Variants in PTPRG observed in about 807,000 individuals in gnomAD.
PTPRG encodes protein tyrosine phosphatase receptor type G, also known as receptor-type tyrosine-protein phosphatase gamma.
PTPRG carries 102 observed loss-of-function variants against 165.3 expected under a neutral mutation model. The observed-to-expected ratio is 0.62, with a 90% confidence interval of 0.53 to 0.73. The LOEUF (loss-of-function observed/expected upper bound fraction) is 0.73, where lower values mean the gene tolerates loss of function less well. Ranked by LOEUF, PTPRG falls within the 30% of genes least tolerant of loss-of-function variation. PTPRG has a pLI of 0.00. For synonymous variants in PTPRG, 675 were observed against 669.5 expected (o/e 1.01, Z -0.13); for missense variants, 1,866 against 1,861.4 (o/e 1.00, Z -0.05).
chr3:62,234,514 A>G (rs1228138920), intron 14 of PTPRG, among the ~76,000 whole-genome samples: 1 of 151,208 alleles, frequency 6.6e-6, no homozygotes, highest in Non-Finnish European at 1.5e-5. Flanking sequence ...TGGCCTTTTT[A>G]CTAACCTCAT....
At chr3:62,007,667 A>G (rs2041328171) in intron 4 of PTPRG, among the ~76,000 whole-genome samples, 1 of 152,226 alleles carries the variant, frequency 6.6e-6, no homozygotes, top group Non-Finnish European at 1.5e-5. Context: ...CAGAAATTAA[A>G]CATTGGTCAT....
At chr3:62,275,756 T>G (rs1393023738) in intron 23 of PTPRG, 117 bp from the exon 24 acceptor site, 1 of 718,332 alleles carries the variant, frequency 1.4e-6, no homozygotes, top group Admixed American at 2.8e-5. Context: ...AAAGGTTCTT[T>G]GTGGCACAGA....
chr3:61,687,658 A>T (rs552870317), intron 1 of PTPRG, among the ~76,000 whole-genome samples: 1 of 152,388 alleles, frequency 6.6e-6, no homozygotes, highest in South Asian at 2.1e-4. Context: ...TTATATTTTA[A>T]GTAAGGCTTT....
intron 1 of PTPRG, among the ~76,000 whole-genome samples, chr3:61,724,210 C>T (rs1383789089): frequency 1.2e-4 from 6 of 51,606 alleles, no homozygotes; most frequent in Admixed American, 1.1e-3. Flanking sequence ...AGTGAGACTC[C>T]CATCTCCAAA....
intron 2 of PTPRG, among the ~76,000 whole-genome samples, chr3:61,777,365 A>G (rs1004784539): frequency 2.6e-5 from 4 of 152,234 alleles, no homozygotes; most frequent in Admixed American, 2.6e-4. Flanking sequence ...AGTGGCTACC[A>G]TATTGTACAG....
intron 1 of PTPRG, chr3:61,659,508 T>C: frequency 2.1e-6 from 2 of 949,804 alleles, no homozygotes; most frequent in Non-Finnish European, 2.5e-6. Flanking sequence ...GGGGTCTGGA[T>C]CCTGATTTTG....
chr3:62,105,873 G>A (rs1459046395), intron 5 of PTPRG, among the ~76,000 whole-genome samples: 1 of 152,018 alleles, frequency 6.6e-6, no homozygotes, highest in Non-Finnish European at 1.5e-5. Context: ...CACTTAATAA[G>A]CGTTTAATGA....
intron 2 of PTPRG, among the ~76,000 whole-genome samples, chr3:61,923,488 T>A (rs922131053): frequency 4.6e-5 from 7 of 151,908 alleles, no homozygotes; most frequent in African/African-American, 7.3e-5. Context: ...ACATGTGCCA[T>A]GCTGGTGTGC....
chr3:61,688,579 G>A (rs1430336799), intron 1 of PTPRG, among the ~76,000 whole-genome samples: 1 of 152,204 alleles, frequency 6.6e-6, no homozygotes, highest in Non-Finnish European at 1.5e-5. Context: ...ATTGGAGCAG[G>A]CAAATCGGGC....
At position 62,069,684 on chromosome 3, in the gene PTPRG, T is replaced by TCTCTCTCTCTCTCACACACA. The variant is rs542306888; in HGVS notation, c.520-8478_520-8477insTCTCTCTCTCTCACACACAC. On this transcript the variant is annotated intron_variant, in intron 4 of 29. Coordinates refer to ENST00000474889, the MANE Select transcript of PTPRG (RefSeq NM_002841.4). The stretch of plus-strand genomic sequence containing the variant: ...CTCTCTCTCTCTCTCTCTCTCTCTC[T>TCTCTCTCTCTCTCACACACA]CACACACAGACACACGCACACACAC... Among the ~76,000 whole-genome samples the TCTCTCTCTCTCTCACACACA allele has an allele frequency of 2.0e-4, 29 of 145,052 alleles. No homozygotes were observed. In the East Asian group the frequency reaches 4.9e-3, roughly 24 times the overall value.
At position 62,218,938 on chromosome 3, in the gene PTPRG, C is replaced by T; in HGVS notation, c.2243C>T (p.Thr748Ile). 6.2e-7 allele frequency: 1 copy of T among 1,614,128 alleles called. No homozygotes were observed. Among genetic ancestry groups the T allele is most frequent in the Non-Finnish European group, 8.5e-7 (1 of 1,180,010 alleles). Residue 748 changes from threonine (T) to isoleucine (I), a missense_variant, in exon 13 of 30, where the codon ACC becomes ATC. Physicochemically the swap from Thr to Ile is moderately conservative, Grantham distance 89 (BLOSUM62 -1). Around this residue, in one of 3 missense-constraint regions of PTPRG, gnomAD observed 1,452 missense variants for 1,463.0 expected, o/e 0.99. Coordinates refer to ENST00000474889, the MANE Select transcript of PTPRG (RefSeq NM_002841.4). ...IIPLIVVSALTFVCLILLIAV... is the reference protein window; with the variant it reads ...IIPLIVVSALIFVCLILLIAV... ...CCTCTGATTGTGGTATCAGCCTTGA[C>T]CTTCGTGTGCCTCATCCTTCTCATT... is the stretch of plus-strand genomic sequence containing the variant.
chr3:62,081,267 AACAAAC>A lies in PTPRG; in HGVS notation c.615+3011_615+3016del, dbSNP rs1559785988. On this transcript the variant is annotated intron_variant, in intron 5 of 29. Transcript: ENST00000474889. Reference sequence around the variant, plus strand: ...GTGAGACTCCGTCTCAAAACAAACAAACAAACAAACAAACAAACAAACAAACAAAAA... The same window carrying A: ...GTGAGACTCCGTCTCAAAACAAACAAAAACAAACAAACAAACAAACAAAAA... Among the ~76,000 whole-genome samples, 50 of 106,144 alleles carry A rather than the reference AACAAAC, an allele frequency of 4.7e-4. 1 individual carries two copies. Among genetic ancestry groups the A allele is most frequent in the East Asian group, 1.3e-3 (5 of 3,754 alleles). The allele number at this position is 106,144 out of a possible 152,430, so 69.6% of individuals were successfully genotyped here.
chr3:61,880,563 G>T (rs901895016), intron 2 of PTPRG, among the ~76,000 whole-genome samples: 1 of 147,336 alleles, frequency 6.8e-6, no homozygotes, highest in African/African-American at 2.5e-5. Context: ...AGTCGAAGCT[G>T]CAGTCAGCTG....
Position 62,224,949 on chromosome 3 carries a change from T to C in PTPRG, c.2288+5966T>C, listed in dbSNP as rs1409407302. Among the ~76,000 whole-genome samples the C allele has an allele frequency of 6.6e-6, 1 of 152,174 alleles. No homozygotes were observed. The highest frequency in any genetic ancestry group is 2.4e-5 in the African/African-American group (1 of 41,446). ...AAACTAGGAAGAAATGTAAGCAAAGTGATTTTGGACAAGGGGCAGGGTTGT... is the reference window on the plus strand; with the variant it reads ...AAACTAGGAAGAAATGTAAGCAAAGCGATTTTGGACAAGGGGCAGGGTTGT... On this transcript the variant is annotated intron_variant, in intron 13 of 29. Transcript: ENST00000474889. The surrounding 1 kb of genome is among the most constrained non-coding windows in gnomAD (Gnocchi z 4.9).
chr3:61,999,498 G>A (rs141855026), intron 3 of PTPRG, among the ~76,000 whole-genome samples: 1 of 152,274 alleles, frequency 6.6e-6, no homozygotes, highest in East Asian at 1.9e-4. Flanking sequence ...CATTCAGTCT[G>A]TAACACCATT....
intron 8 of PTPRG, among the ~76,000 whole-genome samples, chr3:62,189,743 C>T (rs62243877): frequency 0.024 from 3,647 of 152,298 alleles, 66 homozygotes; most frequent in Non-Finnish European, 0.04. Flanking sequence ...AGCTGAAGTT[C>T]AGGGGATCTT....
chr3:61,897,176 A>G (rs1275442102), intron 2 of PTPRG, among the ~76,000 whole-genome samples: 1 of 152,120 alleles, frequency 6.6e-6, no homozygotes, highest in African/African-American at 2.4e-5. Flanking sequence ...GCTTAGCCCT[A>G]CGTTACCAAG....
chr3:62,231,472 A>G (rs190990911), intron 14 of PTPRG, among the ~76,000 whole-genome samples, 161 bp downstream of exon 14: 10 of 152,260 alleles, frequency 6.6e-5, no homozygotes, highest in East Asian at 1.9e-4. Context: ...GCAAATATCA[A>G]TTCAGCTTGT....
In PTPRG at chr3:62,011,965, C is replaced by T. The variant is rs2041433006; in HGVS notation, c.519+8468C>T. Among the ~76,000 whole-genome samples the T allele has an allele frequency of 1.3e-5, 2 of 152,272 alleles. 1 individual carries two copies. Among genetic ancestry groups the T allele is most frequent in the South Asian group, 4.1e-4 (2 of 4,820 alleles). ...AGATGGCACACTCTGAAAAGAAAAC[C>T]TGGTTAAGTTGGAGATACTCTCAGT... On this transcript the variant is annotated intron_variant, in intron 4 of 29. Coordinates refer to ENST00000474889, the MANE Select transcript of PTPRG (RefSeq NM_002841.4).
Sources: gnomAD v4.1 joint callset for allele counts (sites outside exome capture counted in the v4.1 genomes callset) on GRCh38, gnomAD v4.1.1 for gene constraint, gnomAD v4.1.1 regional missense constraint, Gnocchi (gnomAD v3.1) non-coding constraint, MANE v1.5 for transcripts, NCBI Gene and HGNC (gene_info 2026-07-23, HGNC 2026-07-21) for gene names.